Variants in CHL1 observed in about 807,000 individuals in gnomAD.
CHL1 encodes the protein cell adhesion molecule L1 like.
CHL1 carries 96 observed loss-of-function variants against 141.9 expected under a neutral mutation model. The ratio of observed to expected loss-of-function variants is 0.68; its 90% CI spans 0.57 to 0.80. CHL1 has a LOEUF of 0.80. CHL1 is among the 30% of genes least tolerant of loss of function. The pLI is 0.00. For missense variants in CHL1, 1,820 were observed against 1,457.2 expected, an observed-to-expected ratio of 1.25 and a Z score of -4.05; for synonymous variants, 613 against 502.2, an observed-to-expected ratio of 1.22 and a Z score of -2.95.
intron 2 of CHL1, among the ~76,000 whole-genome samples, chr3:250,580 A>G (rs960118408): frequency 1.3e-5 from 2 of 152,126 alleles, no homozygotes; most frequent in African/African-American, 4.8e-5. Flanking sequence ...AGACCCTCAC[A>G]AAAGGAAGTG....
chr3:395,018 C>T (rs1295757517), intron 24 of CHL1, 146 bp downstream of exon 24: 1 of 685,972 alleles, frequency 1.5e-6, no homozygotes, highest in East Asian at 2.9e-5. Context: ...TTCTGTTTTC[C>T]ACTGACATAG....
At chr3:398,495 A>G (rs954906418) in intron 25 of CHL1, 110 bp downstream of exon 25, 7 of 595,834 alleles carry the variant, frequency 1.2e-5, no homozygotes, top group Non-Finnish European at 2.0e-5. Flanking sequence ...TGTATTAATT[A>G]TGAAAATCGT....
chr3:348,838 G>A (rs545859101), intron 9 of CHL1, among the ~76,000 whole-genome samples: 38 of 152,280 alleles, frequency 2.5e-4, no homozygotes, highest in Admixed American at 9.8e-4. Context: ...GGGTCTAATC[G>A]ACATGTCCAG....
intron 3 of CHL1, among the ~76,000 whole-genome samples, chr3:323,193 A>G (rs1039287258): frequency 3.9e-5 from 6 of 152,034 alleles, no homozygotes; most frequent in African/African-American, 1.4e-4. Context: ...AAGTGAGCCC[A>G]TTCATTTCAA....
intron 1 of CHL1, among the ~76,000 whole-genome samples, chr3:209,892 A>C (rs1205079552): frequency 6.6e-6 from 1 of 152,232 alleles, no homozygotes; most frequent in East Asian, 1.9e-4. Context: ...CAAGTTTGCC[A>C]CAGAGTATAC....
chr3:351,463 G>T (rs1305494626), intron 10 of CHL1, among the ~76,000 whole-genome samples: 1 of 152,034 alleles, frequency 6.6e-6, no homozygotes, highest in East Asian at 1.9e-4. Flanking sequence ...TTTTTCTAAA[G>T]TGTGGAGGTA....
chr3:394,923 A>AGTC, intron 24 of CHL1, 51 bp downstream of exon 24: 2 of 1,433,402 alleles, frequency 1.4e-6, no homozygotes, highest in Non-Finnish European at 1.9e-6. Flanking sequence ...AAGAGACTGC[A>AGTC]TCTTTTTAAA....
At position 382,191 on chromosome 3, in the gene CHL1, C is replaced by T. The variant is rs772990615; in HGVS notation, c.1889C>T (p.Pro630Leu). ...TQVTVLDVPD[P>L]PENLHLSERQ... Reference sequence around the variant, plus strand: ...CTTTATTAATTAGATGTTCCGGATCCACCAGAAAACCTTCACTTGTCTGAA... The same window carrying T: ...CTTTATTAATTAGATGTTCCGGATCTACCAGAAAACCTTCACTTGTCTGAA... The change falls in exon 17 of 28, where the codon CCA becomes CTA. Residue 630 changes from proline (P) to leucine (L), a missense_variant. Transcript: ENST00000256509. The T allele has an allele frequency of 6.2e-7, 1 of 1,612,864 alleles. No individual in the cohort carries two copies. The highest frequency in any genetic ancestry group is 8.5e-7 in the Non-Finnish European group (1 of 1,179,356).
intron 1 of CHL1, among the ~76,000 whole-genome samples, chr3:201,579 G>A (rs1291663641): frequency 6.6e-6 from 1 of 152,098 alleles, no homozygotes; most frequent in Non-Finnish European, 1.5e-5. Flanking sequence ...AGAGTTTGAG[G>A]TGAGATGAAT....
intron 11 of CHL1, among the ~76,000 whole-genome samples, chr3:359,277 T>C (rs1703993052): frequency 6.6e-6 from 1 of 151,886 alleles, no homozygotes; most frequent in African/African-American, 2.4e-5. Flanking sequence ...GCATCAGAAA[T>C]GTTAGGTATT....
rs577024210 is a variant in CHL1, at chr3:355,630, C to T, written c.1165+859C>T. On this transcript the variant is annotated intron_variant, in intron 11 of 27. Coordinates refer to ENST00000256509, the MANE Select transcript of CHL1 (RefSeq NM_006614.4). ...GCCTGCACAAGTCAAGGGTGAGCCA[C>T]TTGGTGGATAACAGACCTCGGGTCC... 2.6e-5 allele frequency among the ~76,000 whole-genome samples: 4 copies of T among 152,324 alleles called. 1 individual carries two copies. The highest frequency in any genetic ancestry group is 9.6e-5 in the African/African-American group (4 of 41,584).
chr3:287,760 GTGTC>G (rs1697292190), intron 2 of CHL1, among the ~76,000 whole-genome samples: 1 of 147,620 alleles, frequency 6.8e-6, no homozygotes, highest in Non-Finnish European at 1.5e-5. Flanking sequence ...TGCTCCACTG[GTGTC>G]TTTTTTTGTT....
At chr3:314,094 T>A (rs982995627) in intron 2 of CHL1, among the ~76,000 whole-genome samples, 62 of 151,944 alleles carry the variant, frequency 4.1e-4, no homozygotes, top group African/African-American at 1.2e-3. Flanking sequence ...TGTTTGTTTT[T>A]TATTTTTATT....
chr3:297,797 T>C (rs1424876099), intron 2 of CHL1, among the ~76,000 whole-genome samples: 1 of 152,194 alleles, frequency 6.6e-6, no homozygotes, highest in African/African-American at 2.4e-5. Context: ...CTCTGCAGTA[T>C]TGAAAAAACA....
intron 1 of CHL1, among the ~76,000 whole-genome samples, chr3:200,280 G>A (rs1343439503): frequency 6.6e-6 from 1 of 152,162 alleles, no homozygotes; most frequent in Non-Finnish European, 1.5e-5. Context: ...GAATGCTTAA[G>A]TTAGTCCAGA....
intron 2 of CHL1, among the ~76,000 whole-genome samples, chr3:306,791 G>A (rs1699265890): frequency 2.0e-5 from 3 of 152,136 alleles, no homozygotes. Flanking sequence ...TCTTAATCAT[G>A]CAGCCTTTTC....
At chr3:404,448 A>G (rs1222944132) in intron 27 of CHL1, among the ~76,000 whole-genome samples, 1 of 152,176 alleles carries the variant, frequency 6.6e-6, no homozygotes, top group African/African-American at 2.4e-5. Context: ...ATAATGTAAT[A>G]CTAATTGGTA....
chr3:396,070 T>G (rs1708641589), intron 24 of CHL1, among the ~76,000 whole-genome samples: 1 of 152,182 alleles, frequency 6.6e-6, no homozygotes, highest in Non-Finnish European at 1.5e-5. Context: ...CTTAAACATT[T>G]AAAAGCCCTT....
chr3:202,808 T>C (rs61267778), intron 1 of CHL1, among the ~76,000 whole-genome samples: 4,610 of 152,328 alleles, frequency 0.03, 207 homozygotes, highest in African/African-American at 0.11. Flanking sequence ...AGATCTCAAA[T>C]GTGCTTTTCA....
Sources: allele counts gnomAD v4.1 joint callset (sites outside exome capture counted in the v4.1 genomes callset), GRCh38; gene constraint gnomAD v4.1.1; transcripts MANE v1.5; gene names NCBI Gene and HGNC (gene_info 2026-07-23, HGNC 2026-07-21).